The following TRIM51 variants were observed in gnomAD, a reference collection of about 807,000 sequenced individuals.
TRIM51 encodes tripartite motif-containing protein 51.
A neutral mutation model predicts 32.7 loss-of-function variants in TRIM51; 23 were observed. The observed-to-expected ratio is 0.70, with a 90% CI of 0.51 to 1.00. TRIM51 has a LOEUF of 1.00. Ranked by LOEUF, TRIM51 falls within the 50% of genes least tolerant of loss-of-function variation. The pLI is 0.00. For synonymous variants in TRIM51, 177 were observed against 181.9 expected (o/e 0.97, Z 0.22); for missense variants, 592 against 539.2 (o/e 1.10, Z -0.97).
At chr11:55,889,228 A>T (rs1388138709) in intron 5 of TRIM51, among the ~76,000 whole-genome samples, 1 of 152,176 alleles carries the variant, frequency 6.6e-6, no homozygotes, top group East Asian at 1.9e-4. Flanking sequence ...ATAAATAAAT[A>T]AATAAAACAA....
rs1256258438 is a variant in TRIM51 at position 55,888,971 on chromosome 11, T to C, written c.739-8T>C. The C allele has an allele frequency of 1.9e-6, 3 of 1,611,142 alleles. No individual in the cohort carries two copies. The highest frequency in any genetic ancestry group is 1.7e-6 in the Non-Finnish European group (2 of 1,178,670). On this transcript the variant is annotated splice_region_variant and splice_polypyrimidine_tract_variant and intron_variant, in intron 4 of 6. Transcript: ENST00000449290. Reference sequence around the variant, plus strand: ...GCGCTAAGCCTTTCTATTTTTTTTTTTTTACAGGCTTTTGGAGACATATTA... The same window carrying C: ...GCGCTAAGCCTTTCTATTTTTTTTTCTTTACAGGCTTTTGGAGACATATTA...
At chr11:55,887,946 T>C (rs980465481) in intron 3 of TRIM51, 86 bp from the exon 4 acceptor site, 3 of 965,376 alleles carry the variant, frequency 3.1e-6, no homozygotes, top group South Asian at 1.4e-5. Flanking sequence ...GATTAAAATA[T>C]TGGGTGTTTA....
Position 55,885,743 on chromosome 11 carries a change from A to C in TRIM51, c.315A>C (p.Glu105Asp). Residue 105 changes from glutamate (E) to aspartate (D), a missense_variant, in exon 2 of 7, where the codon GAA becomes GAC. Physicochemically the swap from Glu to Asp is conservative, Grantham distance 45. Transcript: ENST00000449290. Reference protein sequence around the residue: ...MHRETKKMFCEVDKSLLCLPC... With the variant: ...MHRETKKMFCDVDKSLLCLPC... The stretch of plus-strand genomic sequence containing the variant: ...GAGAGACAAAGAAGATGTTCTGTGA[A>C]GTGGACAAGAGCCTGCTCTGTTTGC... The C allele has an allele frequency of 6.2e-7, 1 of 1,611,832 alleles. No homozygotes were observed. The highest frequency in any genetic ancestry group is 8.5e-7 in the Non-Finnish European group (1 of 1,179,740).
chr11:55,885,696 G>A lies in TRIM51; in HGVS notation c.268G>A (p.Glu90Lys), dbSNP rs756387154. Residue 90 changes from glutamate (E) to lysine (K), a missense_variant, in exon 2 of 7, where the codon GAG becomes AAG. Transcript: ENST00000449290. The stretch of plus-strand genomic sequence containing the variant: ...CCTCCGGCAATTCCTTAGCTCTGAG[G>A]AGCAAATATGTGGGATGCACAGAGA... The part of the protein sequence containing the change: ...ASLRQFLSSE[E>K]QICGMHRETK... 2 of 1,611,496 alleles carry A rather than the reference G, an allele frequency of 1.2e-6. No homozygotes were observed. Among genetic ancestry groups the A allele is most frequent in the Admixed American group, 1.7e-5 (1 of 59,926 alleles).
At position 55,886,218 on chromosome 11, in the gene TRIM51, G is replaced by A. The variant is rs143260124; in HGVS notation, c.507G>A (p.Lys169=). ...NMETTRTRCW[K]DYVSLRIEAI... is the part of the protein sequence containing the mutation. ...AAACCACAAGAACCAGATGCTGGAAGGTTAGTACCGTATGACTCTACCTTC... is the reference window on the plus strand; with the variant it reads ...AAACCACAAGAACCAGATGCTGGAAAGTTAGTACCGTATGACTCTACCTTC... The change falls in exon 3 of 7, where the codon AAG becomes AAA. Residue 169 remains lysine, a splice_region_variant and synonymous_variant. Transcript: ENST00000449290. 1.6e-5 allele frequency: 26 copies of A among 1,612,066 alleles called. No individual in the cohort carries two copies. In the African/African-American group the frequency reaches 3.3e-4, roughly 21 times the overall value.
intron 1 of TRIM51, among the ~76,000 whole-genome samples, chr11:55,884,955 T>C (rs1241128911): frequency 6.6e-6 from 1 of 152,084 alleles, no homozygotes; most frequent in South Asian, 2.1e-4. Context: ...TTGTTTTTGT[T>C]TTAAAGAGCC....
intron 3 of TRIM51, 140 bp downstream of exon 3, chr11:55,886,358 T>C: frequency 3.0e-6 from 2 of 671,774 alleles, no homozygotes; most frequent in East Asian, 2.7e-5. Context: ...AAAAACACCC[T>C]AATTTTTTAT....
At chr11:55,887,302 T>C (rs1854589281) in intron 3 of TRIM51, among the ~76,000 whole-genome samples, 1 of 112,268 alleles carries the variant, frequency 8.9e-6, no homozygotes, top group Non-Finnish European at 1.9e-5. Context: ...TGGATGTTGG[T>C]ATATATATAT....
In TRIM51 at chr11:55,889,930, T is replaced by G. The variant is rs1285270138; in HGVS notation, c.762-12T>G. ...GGCTGTAGATGTGATAACCCTATCTTTCCCCTTGCAGGTATGAGTCTCTGC... is the reference window on the plus strand; with the variant it reads ...GGCTGTAGATGTGATAACCCTATCTGTCCCCTTGCAGGTATGAGTCTCTGC... On this transcript the variant is annotated splice_polypyrimidine_tract_variant and intron_variant, in intron 5 of 6. Coordinates refer to ENST00000449290, the MANE Select transcript of TRIM51 (RefSeq NM_032681.4). 6.2e-7 allele frequency: 1 copy of G among 1,607,114 alleles called. No homozygotes were observed.
rs1227680880 is a variant in TRIM51, at chr11:55,884,906, C to G, written c.-4-519C>G. Among the ~76,000 whole-genome samples the G allele has an allele frequency of 3.5e-5, 5 of 144,472 alleles. No homozygotes were observed. The Admixed American group carries it at 3.5e-4, about 10-fold the overall frequency. 94.8% of individuals were successfully genotyped at this position (144,472 alleles called of 152,430 possible). On this transcript the variant is annotated intron_variant, in intron 1 of 6. Transcript: ENST00000449290. ...GATCCTAGACTGGTTTAATTGCTGT[C>G]TTTTTTTTTTTAATCTGGTCGGTTG...
At chr11:55,883,431 A>G (rs1401551620) in intron 1 of TRIM51, 47 bp downstream of exon 1, 1 of 152,208 alleles carries the variant, frequency 6.6e-6, no homozygotes, top group Non-Finnish European at 1.5e-5. Context: ...TTCCTTTAAA[A>G]TAGTAAATTA....
At chr11:55,883,996 A>G (rs1485010032) in intron 1 of TRIM51, among the ~76,000 whole-genome samples, 1 of 151,586 alleles carries the variant, frequency 6.6e-6, no homozygotes, top group East Asian at 2.0e-4. Context: ...TCTGAAAAAT[A>G]TTTGCAATTC....
intron 3 of TRIM51, among the ~76,000 whole-genome samples, chr11:55,886,783 A>G (rs1342061420): frequency 1.3e-5 from 2 of 152,166 alleles, no homozygotes; most frequent in Non-Finnish European, 2.9e-5. Flanking sequence ...AATATGTGAG[A>G]AATATGGGAA....
At chr11:55,886,512 G>T (rs1307513430) in intron 3 of TRIM51, among the ~76,000 whole-genome samples, 3 of 152,108 alleles carry the variant, frequency 2.0e-5, no homozygotes, top group Non-Finnish European at 2.9e-5. Context: ...CCAATGGGCT[G>T]CCTGGATAAA....
At position 55,885,465 on chromosome 11, in the gene TRIM51, C is replaced by G; in HGVS notation, c.37C>G (p.Leu13Val). 3 of 1,611,938 alleles carry G rather than the reference C, an allele frequency of 1.9e-6. No individual in the cohort carries two copies. Among genetic ancestry groups the G allele is most frequent in the Non-Finnish European group, 2.5e-6 (3 of 1,179,704 alleles). The change falls in exon 2 of 7, where the codon CTC (leucine) becomes GTC (valine). Residue 13 changes from leucine to valine, a missense_variant. By Grantham distance (32) the Leu-to-Val change is conservative. Transcript: ENST00000449290. Reference protein sequence around the residue: ...SGILQVFQRALTCPICMNYFL... With the variant: ...SGILQVFQRAVTCPICMNYFL... ...AATCTTGCAAGTCTTCCAGAGGGCA[C>G]TCACCTGTCCCATCTGCATGAACTA...
Position 55,888,072 on chromosome 11 carries a change from A to T in TRIM51, c.548A>T (p.Tyr183Phe), listed in dbSNP as rs1167129025. The T allele has an allele frequency of 1.2e-6, 2 of 1,613,418 alleles. No homozygotes were observed. Among genetic ancestry groups the T allele is most frequent in the South Asian group, 1.1e-5 (1 of 91,066 alleles). Residue 183 changes from tyrosine (Y) to phenylalanine (F), a missense_variant, in exon 4 of 7, where the codon TAT (tyrosine) becomes TTT (phenylalanine). Physicochemically the swap from Tyr to Phe is conservative, Grantham distance 22. Coordinates refer to ENST00000449290, the MANE Select transcript of TRIM51 (RefSeq NM_032681.4). Reference protein sequence around the residue: ...SLRIEAIRAEYQKMPAFLHEE... With the variant: ...SLRIEAIRAEFQKMPAFLHEE... ...AGGATAGAAGCAATCAGAGCTGAATATCAGAAGATGCCTGCATTTCTCCAT... is the reference window on the plus strand; with the variant it reads ...AGGATAGAAGCAATCAGAGCTGAATTTCAGAAGATGCCTGCATTTCTCCAT...
At chr11:55,889,764 C>T (rs1238116993) in intron 5 of TRIM51, among the ~76,000 whole-genome samples, 178 bp from the exon 6 acceptor site, 3 of 152,032 alleles carry the variant, frequency 2.0e-5, no homozygotes, top group African/African-American at 7.2e-5. Context: ...ACTTTTCCAT[C>T]GTGCTTGAAA....
In TRIM51 at chr11:55,885,606, C is replaced by G; in HGVS notation, c.178C>G (p.Arg60Gly). 6.2e-7 allele frequency: 1 copy of G among 1,611,326 alleles called. No homozygotes were observed. The highest frequency in any genetic ancestry group is 8.5e-7 in the Non-Finnish European group (1 of 1,179,514). Residue 60 changes from arginine to glycine, a missense_variant, in exon 2 of 7, where the codon CGG (arginine) becomes GGG (glycine). Physicochemically the swap from Arg to Gly is moderately radical, Grantham distance 125. Coordinates refer to ENST00000449290, the MANE Select transcript of TRIM51 (RefSeq NM_032681.4). ...AQCSECKKTT[R>G]QRNLNTDICL... ...GTGCTCTGAATGCAAGAAGACAACG[C>G]GGCAGAGAAACCTCAACACTGACAT...
In TRIM51 at chr11:55,889,891, T is replaced by C. The variant is rs114915773; in HGVS notation, c.762-51T>C. 2,315 of 1,310,868 alleles carry C rather than the reference T, an allele frequency of 1.8e-3. 35 individuals are homozygous for C. In the African/African-American group the frequency reaches 0.029, roughly 16 times the overall value. 81.2% of individuals were successfully genotyped at this position (1,310,868 alleles called of 1,614,324 possible). A position where few individuals can be genotyped will look rare whatever the true frequency, so the allele number is the denominator to read the frequency against. On this transcript the variant is annotated intron_variant, in intron 5 of 6. Transcript: ENST00000449290. ...TCTTTTAAATAAGAGTGGTGTTTTT[T>C]ATGTATTTTTTTTGGCTGTAGATGT...
Sources: allele counts gnomAD v4.1 joint callset (sites outside exome capture counted in the v4.1 genomes callset), GRCh38; gene constraint gnomAD v4.1.1; transcripts MANE v1.5; gene names NCBI Gene and HGNC (gene_info 2026-07-23, HGNC 2026-07-21).